The following MALRD1 variants were observed in gnomAD, a reference collection of about 807,000 sequenced individuals.
The protein encoded by MALRD1 is MAM and LDL receptor class A domain containing 1.
MALRD1 carries 247 observed loss-of-function variants against 242.1 expected under a neutral mutation model. The ratio of observed to expected loss-of-function variants is 1.02; its 90% CI spans 0.92 to 1.13. The LOEUF is 1.13. MALRD1 is among the 50% of genes most tolerant of loss of function. The pLI, the probability that MALRD1 is intolerant of heterozygous loss-of-function variation, is 0.00. For synonymous variants in MALRD1, 995 were observed against 866.6 expected, an observed-to-expected ratio of 1.15 and a Z score of -2.60; for missense variants, 2,989 against 2,533.1, an observed-to-expected ratio of 1.18 and a Z score of -3.86.
Position 19,524,930 on chromosome 10 carries a change from T to G in MALRD1, c.5321-6264T>G, listed in dbSNP as rs184870656. 1.2e-4 allele frequency among the ~76,000 whole-genome samples: 18 copies of G among 151,830 alleles called. No homozygotes were observed. The East Asian group carries it at 3.3e-3, about 28-fold the overall frequency. On this transcript the variant is annotated intron_variant, in intron 31 of 39. Transcript: ENST00000454679. ...TTATTATTATTATTTTGAGATGGAG[T>G]TTTGCTCTTGTTATCCAGGCTGAAG...
chr10:19,403,874 TA>T (rs1165533631), intron 28 of MALRD1, among the ~76,000 whole-genome samples: 18 of 152,232 alleles, frequency 1.2e-4, no homozygotes, highest in African/African-American at 3.8e-4. Context: ...ACATTGAAAT[TA>T]ATTACTTTGG....
chr10:19,659,690 A>T (rs893356058), intron 36 of MALRD1, among the ~76,000 whole-genome samples: 4 of 152,178 alleles, frequency 2.6e-5, no homozygotes, highest in African/African-American at 9.7e-5. Context: ...TTGTAAGATT[A>T]CATATAGATT....
At chr10:19,397,073 C>G (rs1846616527) in intron 28 of MALRD1, among the ~76,000 whole-genome samples, 1 of 152,024 alleles carries the variant, frequency 6.6e-6, no homozygotes, top group East Asian at 1.9e-4. Context: ...CATCTATAAC[C>G]TCAAATATCT....
intron 34 of MALRD1, among the ~76,000 whole-genome samples, chr10:19,601,807 A>G (rs1211690882): frequency 6.6e-6 from 1 of 152,072 alleles, no homozygotes; most frequent in Non-Finnish European, 1.5e-5. Flanking sequence ...AGGGTTCAAA[A>G]TATATGTTTT....
At chr10:19,477,377 G>T (rs1836786214) in intron 29 of MALRD1, among the ~76,000 whole-genome samples, 1 of 152,002 alleles carries the variant, frequency 6.6e-6, no homozygotes. Context: ...AGTTACTTGG[G>T]GGATTTTACA....
chr10:19,226,426 A>G (rs1361132292), intron 18 of MALRD1, among the ~76,000 whole-genome samples: 7 of 152,162 alleles, frequency 4.6e-5, no homozygotes, highest in Non-Finnish European at 1.0e-4. Flanking sequence ...TGAAAAATGC[A>G]ATGATGTCCT....
chr10:19,410,873 A>G (rs1833251956), intron 28 of MALRD1, among the ~76,000 whole-genome samples: 1 of 152,196 alleles, frequency 6.6e-6, no homozygotes, highest in Non-Finnish European at 1.5e-5. Flanking sequence ...GTACAAGAAC[A>G]TAAATGAATC....
chr10:19,374,564 C>G (rs1845520960), intron 26 of MALRD1, among the ~76,000 whole-genome samples: 1 of 152,146 alleles, frequency 6.6e-6, no homozygotes, highest in African/African-American at 2.4e-5. Context: ...TGAAGTATCA[C>G]TTAAATGACA....
chr10:19,434,439 CATTTT>C (rs1024324887), intron 28 of MALRD1, among the ~76,000 whole-genome samples: 24 of 151,858 alleles, frequency 1.6e-4, no homozygotes, highest in Admixed American at 1.4e-3. Flanking sequence ...ACAATGATTT[CATTTT>C]ATTTTTAAAA....
chr10:19,255,646 T>C (rs191066141), intron 18 of MALRD1, among the ~76,000 whole-genome samples: 5 of 152,228 alleles, frequency 3.3e-5, no homozygotes, highest in Admixed American at 6.5e-5. Flanking sequence ...GTAATTATTG[T>C]TCATTAATTC....
chr10:19,660,052 G>A (rs1008040224), intron 36 of MALRD1, among the ~76,000 whole-genome samples: 7 of 152,138 alleles, frequency 4.6e-5, no homozygotes, highest in African/African-American at 1.2e-4. Context: ...CCTTTGGGCC[G>A]TGTTTCTCTC....
rs79363083 is a variant in MALRD1 at position 19,067,133 on chromosome 10, A to G, written c.340+274A>G. 1.2e-3 allele frequency among the ~76,000 whole-genome samples: 187 copies of G among 152,308 alleles called. 3 individuals are homozygous for G. The East Asian group carries it at 0.026, about 22-fold the overall frequency. On this transcript the variant is annotated intron_variant, in intron 2 of 39. Transcript: ENST00000454679. ...GGATTCCAATAGGTCTGCTTAGAGAATAATTGGGATTTTCCAGTTTTTCTT... is the reference window on the plus strand; with the variant it reads ...GGATTCCAATAGGTCTGCTTAGAGAGTAATTGGGATTTTCCAGTTTTTCTT...
rs533980228 is a variant in MALRD1 at position 19,335,048 on chromosome 10, G to T, written c.3901+3466G>T. ...GTATGCTGATTTACCAAGGGAATCG[G>T]AAACATATTAAAAACATACTGTCTT... On this transcript the variant is annotated intron_variant, in intron 24 of 39. Transcript: ENST00000454679. Among the ~76,000 whole-genome samples, 117 of 152,168 alleles carry T rather than the reference G, an allele frequency of 7.7e-4. 1 individual carries two copies. The highest frequency in any genetic ancestry group is 2.8e-3 in the African/African-American group (115 of 41,536).
At chr10:19,223,289 T>C (rs1652792242) in intron 18 of MALRD1, among the ~76,000 whole-genome samples, 1 of 152,108 alleles carries the variant, frequency 6.6e-6, no homozygotes, top group South Asian at 2.1e-4. Flanking sequence ...GGACTGCCAT[T>C]TGGAACTGCT....
At chr10:19,448,248 C>G (rs1835113349) in intron 28 of MALRD1, among the ~76,000 whole-genome samples, 1 of 151,982 alleles carries the variant, frequency 6.6e-6, no homozygotes, top group Non-Finnish European at 1.5e-5. Context: ...TACCTATATG[C>G]TATAAATCTA....
intron 36 of MALRD1, among the ~76,000 whole-genome samples, chr10:19,629,706 G>A (rs908876932): frequency 6.6e-6 from 1 of 152,206 alleles, no homozygotes; most frequent in Non-Finnish European, 1.5e-5. Flanking sequence ...CAGTGGTGGC[G>A]CTCGAGAGAC....
chr10:19,408,756 T>A (rs1176209333), intron 28 of MALRD1, among the ~76,000 whole-genome samples: 1 of 152,010 alleles, frequency 6.6e-6, no homozygotes, highest in Non-Finnish European at 1.5e-5. Context: ...GTGAAAAAAA[T>A]TTAAATGATA....
At chr10:19,494,053 G>A (rs1429446840) in intron 30 of MALRD1, among the ~76,000 whole-genome samples, 1 of 152,122 alleles carries the variant, frequency 6.6e-6, no homozygotes, top group Non-Finnish European at 1.5e-5. Flanking sequence ...TTAAGAGGGA[G>A]CACAGCTGCA....
intron 31 of MALRD1, among the ~76,000 whole-genome samples, chr10:19,505,448 C>T (rs894856372): frequency 2.6e-5 from 4 of 152,072 alleles, no homozygotes; most frequent in Admixed American, 6.5e-5. Context: ...GGAAAGGCCA[C>T]GTAAGGACAC....
Sources: allele counts gnomAD v4.1 joint callset (sites outside exome capture counted in the v4.1 genomes callset), GRCh38; gene constraint gnomAD v4.1.1; transcripts MANE v1.5; gene names NCBI Gene and HGNC (gene_info 2026-07-23, HGNC 2026-07-21).